The following AMD1 variants were observed in gnomAD, a reference collection of about 807,000 sequenced individuals.
AMD1 encodes adenosylmethionine decarboxylase 1.
AMD1 carries 11 observed loss-of-function variants against 40.2 expected under a neutral mutation model. The observed-to-expected ratio is 0.27, with a 90% confidence interval of 0.17 to 0.45. The LOEUF is 0.45. Ranked by LOEUF, AMD1 falls within the 20% of genes least tolerant of loss-of-function variation. The pLI is 1.00. For missense variants in AMD1, 257 were observed against 410.2 expected, an observed-to-expected ratio of 0.63 and a Z score of 3.23; for synonymous variants, 121 against 130.8, an observed-to-expected ratio of 0.93 and a Z score of 0.51.
the AMD1 span, chr6:110,815,152 T>G: frequency 6.4e-7 from 1 of 1,573,244 alleles, no homozygotes; most frequent in Non-Finnish European, 8.6e-7. Flanking sequence ...GCTTCCCCCA[T>G]AGAGGCACGG....
chr6:110,889,986 C>A (rs943281304), intron 3 of AMD1: 1 of 319,262 alleles, frequency 3.1e-6, no homozygotes. Flanking sequence ...TATGACCCAT[C>A]ATCACTAGAC....
chr6:110,829,191 G>A, the AMD1 span, among the ~76,000 whole-genome samples: 18 of 151,472 alleles, frequency 1.2e-4, no homozygotes, highest in African/African-American at 1.9e-4. Flanking sequence ...CCCCTGTGCC[G>A]ACCTCTTTAC....
the AMD1 span, among the ~76,000 whole-genome samples, chr6:110,869,721 C>G: frequency 1.3e-5 from 2 of 151,238 alleles, no homozygotes; most frequent in Admixed American, 6.6e-5. Context: ...TTTGTTCAGG[C>G]TGGTCTCAAA....
chr6:110,890,592 C>T (rs1267230486), intron 4 of AMD1, among the ~76,000 whole-genome samples: 1 of 151,980 alleles, frequency 6.6e-6, no homozygotes, highest in Non-Finnish European at 1.5e-5. Context: ...CTTAAGTGAT[C>T]CTCCCACCTT....
chr6:110,859,847 T>C, the AMD1 span, among the ~76,000 whole-genome samples: 3 of 152,090 alleles, frequency 2.0e-5, no homozygotes, highest in Admixed American at 1.3e-4. Context: ...GTTTTGTTGT[T>C]GTTGATGTTG....
At chr6:110,893,154 A>G (rs374465544) in intron 8 of AMD1, 89 bp downstream of exon 8, 3 of 1,170,728 alleles carry the variant, frequency 2.6e-6, no homozygotes, top group African/African-American at 1.6e-5. Flanking sequence ...GTATTCTGAG[A>G]TAGCACATAT....
the AMD1 span, among the ~76,000 whole-genome samples, chr6:110,849,469 A>G: frequency 0.041 from 6,262 of 152,302 alleles, 219 homozygotes; most frequent in Non-Finnish European, 0.055. Context: ...GTTTCATTAA[A>G]AAGGGCTAAC....
chr6:110,831,201 A>G, the AMD1 span, among the ~76,000 whole-genome samples: 1 of 152,012 alleles, frequency 6.6e-6, no homozygotes, highest in East Asian at 1.9e-4. Context: ...ACACTTCAGG[A>G]GGCCAAGGCG....
the AMD1 span, among the ~76,000 whole-genome samples, chr6:110,825,418 CTT>C: frequency 1.5e-3 from 221 of 152,322 alleles, 1 homozygote; most frequent in Middle Eastern, 0.014. Context: ...ATTCCATCCT[CTT>C]TGTCTTAAAT....
Position 110,875,709 on chromosome 6 carries a change from C to T in AMD1, c.110+494C>T, listed in dbSNP as rs1195315633. 7 of 152,740 alleles carry T rather than the reference C, an allele frequency of 4.6e-5. No individual in the cohort carries two copies. In the South Asian group the frequency reaches 1.2e-3, roughly 27 times the overall value. 9.5% of individuals were successfully genotyped at this position (152,740 alleles called of 1,614,324 possible). A position where few individuals can be genotyped will look rare whatever the true frequency, so the allele number is the denominator to read the frequency against. ...GCGGGAGCGGCGCTTGTTCTTGCCT[C>T]GGGCGCGGATAGGAGGGGCCCTCCC... On this transcript the variant is annotated intron_variant, in intron 1 of 8. Coordinates refer to ENST00000368885, the MANE Select transcript of AMD1 (RefSeq NM_001634.6).
intron 1 of AMD1, among the ~76,000 whole-genome samples, chr6:110,886,964 C>T (rs529659829): frequency 2.6e-5 from 4 of 152,280 alleles, no homozygotes; most frequent in Admixed American, 2.6e-4. Flanking sequence ...CGGGCTTTCT[C>T]ATTGCATTTG....
chr6:110,838,113 G>A, the AMD1 span, among the ~76,000 whole-genome samples: 2 of 150,868 alleles, frequency 1.3e-5, no homozygotes, highest in Non-Finnish European at 2.9e-5. Flanking sequence ...TTCTGGCCAG[G>A]CACAGTGGCT....
upstream of AMD1, among the ~76,000 whole-genome samples, chr6:110,872,735 T>C (rs1426290570): frequency 1.3e-5 from 2 of 152,228 alleles, no homozygotes; most frequent in Admixed American, 1.3e-4. Flanking sequence ...TGGTAGACTA[T>C]TTAAATTATC....
chr6:110,892,023 A>G, intron 4 of AMD1, 138 bp from the exon 5 acceptor site: 1 of 1,033,628 alleles, frequency 9.7e-7, no homozygotes, highest in Non-Finnish European at 1.5e-6. Context: ...GACATGAGCT[A>G]CTATGCCCAG....
At chr6:110,818,756 T>A in the AMD1 span, among the ~76,000 whole-genome samples, 1 of 152,208 alleles carries the variant, frequency 6.6e-6, no homozygotes, top group Non-Finnish European at 1.5e-5. Context: ...CAGGCTGGTC[T>A]TGAACTCCTG....
intron 1 of AMD1, among the ~76,000 whole-genome samples, chr6:110,875,975 C>T (rs1003864633): frequency 3.3e-5 from 5 of 152,256 alleles, no homozygotes; most frequent in Admixed American, 3.3e-4. Context: ...ATCTCTTGAC[C>T]TTGGGTTGTG....
the AMD1 span, among the ~76,000 whole-genome samples, chr6:110,846,103 G>A: frequency 2.0e-5 from 3 of 152,126 alleles, no homozygotes; most frequent in African/African-American, 7.2e-5. Flanking sequence ...AGCCGGTGTG[G>A]TGGTGCACGC....
At chr6:110,858,147 A>G in the AMD1 span, 2 of 565,792 alleles carry the variant, frequency 3.5e-6, no homozygotes, top group African/African-American at 1.9e-5. Flanking sequence ...CCCAGACCAC[A>G]TAAAAATATC....
At chr6:110,844,763 A>G in the AMD1 span, among the ~76,000 whole-genome samples, 3 of 151,860 alleles carry the variant, frequency 2.0e-5, no homozygotes, top group Non-Finnish European at 2.9e-5. Flanking sequence ...CCTGGGCAAC[A>G]AGAGCAAAAC....
Sources: gnomAD v4.1 joint callset for allele counts (sites outside exome capture counted in the v4.1 genomes callset) on GRCh38, gnomAD v4.1.1 for gene constraint, MANE v1.5 for transcripts, NCBI Gene and HGNC (gene_info 2026-07-23, HGNC 2026-07-21) for gene names.